Variants in PPP1R42 observed in about 807,000 individuals in gnomAD.
PPP1R42 encodes the protein protein phosphatase 1 regulatory subunit 42.
In PPP1R42, 34 loss-of-function variants were observed where a neutral mutation model predicts 31.0. The ratio of observed to expected loss-of-function variants is 1.10; its 90% CI spans 0.83 to 1.46. PPP1R42 has a LOEUF of 1.46. Ranked by LOEUF, PPP1R42 falls within the 40% of genes most tolerant of loss-of-function variation. The pLI is 0.00. For missense variants in PPP1R42, 268 were observed against 303.0 expected (o/e 0.88, Z 0.86); for synonymous variants, 103 against 109.8 (o/e 0.94, Z 0.39).
intron 1 of PPP1R42, among the ~76,000 whole-genome samples, chr8:67,019,827 G>T (rs1816154670): frequency 6.6e-6 from 1 of 151,510 alleles, no homozygotes; most frequent in African/African-American, 2.4e-5. Context: ...GGGGGAGCTT[G>T]TAGTGAGCCG....
At position 67,023,655 on chromosome 8, in the gene PPP1R42, CTCTT is replaced by C. The variant is rs138357000; in HGVS notation, c.-85+4832_-85+4835del. 7.9e-5 allele frequency among the ~76,000 whole-genome samples: 12 copies of C among 152,114 alleles called. No homozygotes were observed. The East Asian group carries it at 1.9e-3, about 24-fold the overall frequency. On this transcript the variant is annotated intron_variant, in intron 1 of 7. Transcript: ENST00000685739. Reference sequence around the variant, plus strand: ...GTCTACTACTTCCCAAACCTTTTATCTCTTTTTTTTCTTTTTTATTGTGTTATTG... The same window carrying C: ...GTCTACTACTTCCCAAACCTTTTATCTTTTTTCTTTTTTATTGTGTTATTG...
In PPP1R42 at chr8:66,985,060, C is replaced by T. The variant is rs1814963954; in HGVS notation, c.671-2880G>A. 5 of 1,381,422 alleles carry T rather than the reference C, an allele frequency of 3.6e-6. No homozygotes were observed. In the Admixed American group the frequency reaches 6.7e-5, roughly 19 times the overall value. The allele number at this position is 1,381,422 out of a possible 1,614,324, so 85.6% of individuals were successfully genotyped here. On this transcript the variant is annotated intron_variant, in intron 6 of 7. Coordinates refer to ENST00000685739, the MANE Select transcript of PPP1R42 (RefSeq NM_001364910.1). ...ATTGGGGATTATGTAAGAGTCCCAC[C>T]ACTCAATTTCAGGGATATCTCCTTC...
At chr8:66,986,536 G>C (rs1585647903) in intron 6 of PPP1R42, among the ~76,000 whole-genome samples, 1 of 152,190 alleles carries the variant, frequency 6.6e-6, no homozygotes, top group African/African-American at 2.4e-5. Context: ...AGTGGGCCGG[G>C]CCGCCAATTC....
In PPP1R42 at chr8:66,972,006, C is replaced by A. The variant is rs116831312; in HGVS notation, c.803-7672G>T. The stretch of plus-strand genomic sequence containing the variant: ...TGCCTTTAAAAAGTTCATCTTAACT[C>A]TTCTAAAGACCTGAAAGGTAGGTAT... On this transcript the variant is annotated intron_variant, in intron 7 of 7. Transcript: ENST00000685739. Among the ~76,000 whole-genome samples, 754 of 152,300 alleles carry A rather than the reference C, an allele frequency of 5.0e-3. 11 individuals carry two copies. Among genetic ancestry groups the A allele is most frequent in the African/African-American group, 0.017 (726 of 41,566 alleles).
chr8:67,017,134 G>A (rs1190434042), intron 2 of PPP1R42, among the ~76,000 whole-genome samples: 3 of 151,998 alleles, frequency 2.0e-5, no homozygotes, highest in Non-Finnish European at 4.4e-5. Flanking sequence ...AAAATCACAA[G>A]TAGGAAGTTA....
intron 5 of PPP1R42, among the ~76,000 whole-genome samples, chr8:67,010,437 T>C (rs191470297): frequency 4.5e-4 from 69 of 152,238 alleles, no homozygotes; most frequent in East Asian, 3.1e-3. Flanking sequence ...AAGAAAAAGT[T>C]TGATGGGAAA....
At chr8:66,984,526 G>T in intron 6 of PPP1R42, 6 of 1,262,980 alleles carry the variant, frequency 4.8e-6, no homozygotes, top group Non-Finnish European at 7.0e-6. Flanking sequence ...CTTGGCTGGG[G>T]TGCTAAATTT....
chr8:67,023,134 G>GTGT (rs58036341), intron 1 of PPP1R42, among the ~76,000 whole-genome samples: 12,491 of 151,788 alleles, frequency 0.082, 1,053 homozygotes, highest in African/African-American at 0.21. Context: ...TCATTTGTTT[G>GTGT]TTTGTTTTTG....
chr8:67,017,387 G>A (rs1009066410), intron 2 of PPP1R42, among the ~76,000 whole-genome samples: 9 of 151,988 alleles, frequency 5.9e-5, no homozygotes, highest in South Asian at 2.1e-4. Flanking sequence ...CCAGCTACTC[G>A]GTAGGCTGAG....
In PPP1R42 at chr8:67,006,332, C is replaced by T. The variant is rs184842656; in HGVS notation, c.552+4383G>A. Among the ~76,000 whole-genome samples the T allele has an allele frequency of 6.0e-3, 907 of 152,222 alleles. 6 individuals are homozygous for T. Among genetic ancestry groups the T allele is most frequent in the Non-Finnish European group, 8.2e-3 (557 of 68,006 alleles). On this transcript the variant is annotated intron_variant, in intron 5 of 7. Coordinates refer to ENST00000685739, the MANE Select transcript of PPP1R42 (RefSeq NM_001364910.1). ...CCTTCATAGCACTTTTCAAAATCTT[C>T]TCTGCTTAGGTCTCACTCTGTTATC...
intron 5 of PPP1R42, among the ~76,000 whole-genome samples, chr8:67,003,255 A>G (rs1367193706): frequency 6.7e-6 from 1 of 148,656 alleles, no homozygotes; most frequent in Middle Eastern, 3.3e-3. Context: ...CTTTCTGTTC[A>G]TGATTTCTTT....
intron 5 of PPP1R42, among the ~76,000 whole-genome samples, chr8:66,989,338 C>T (rs1187266159): frequency 6.6e-6 from 1 of 152,110 alleles, no homozygotes; most frequent in East Asian, 1.9e-4. Flanking sequence ...ATCTTTGTCC[C>T]TATTTGGGTT....
chr8:66,966,793 A>C (rs893445606), intron 7 of PPP1R42, among the ~76,000 whole-genome samples: 2 of 152,194 alleles, frequency 1.3e-5, no homozygotes, highest in Non-Finnish European at 2.9e-5. Flanking sequence ...TCCAAAAAAA[A>C]AAAATTGTTT....
At chr8:67,021,228 TA>T (rs1385192785) in intron 1 of PPP1R42, 1 of 152,172 alleles carries the variant, frequency 6.6e-6, no homozygotes, top group Non-Finnish European at 1.5e-5. Flanking sequence ...GACTATAAAT[TA>T]AATTTGTATA....
intron 7 of PPP1R42, among the ~76,000 whole-genome samples, chr8:66,972,993 C>T (rs954060954): frequency 6.6e-6 from 1 of 152,190 alleles, no homozygotes; most frequent in African/African-American, 2.4e-5. Context: ...TGAACTTTCT[C>T]ATCTGCAAAA....
intron 6 of PPP1R42, among the ~76,000 whole-genome samples, chr8:66,983,341 A>T (rs923082725): frequency 1.3e-5 from 2 of 151,860 alleles, no homozygotes; most frequent in African/African-American, 4.8e-5. Flanking sequence ...TCTGTTGTTT[A>T]TGGATATATT....
At chr8:66,990,673 A>G (rs185250370) in intron 5 of PPP1R42, among the ~76,000 whole-genome samples, 188 of 152,314 alleles carry the variant, frequency 1.2e-3, no homozygotes, top group African/African-American at 4.3e-3. Context: ...TCTCTCTACC[A>G]TTAATGATGA....
intron 1 of PPP1R42, among the ~76,000 whole-genome samples, chr8:67,019,517 C>T (rs1347441714): frequency 2.0e-5 from 3 of 151,652 alleles, no homozygotes; most frequent in Admixed American, 2.0e-4. Flanking sequence ...GGATTACAGG[C>T]GTGAGCCATC....
intron 5 of PPP1R42, among the ~76,000 whole-genome samples, chr8:67,000,973 G>T (rs1431092097): frequency 6.6e-6 from 1 of 152,000 alleles, no homozygotes; most frequent in Non-Finnish European, 1.5e-5. Flanking sequence ...CATATAGTTT[G>T]TAATTCTATT....
Sources: allele counts gnomAD v4.1 joint callset (sites outside exome capture counted in the v4.1 genomes callset), GRCh38; gene constraint gnomAD v4.1.1; transcripts MANE v1.5; gene names NCBI Gene and HGNC (gene_info 2026-07-23, HGNC 2026-07-21).